Variants in PDE3B observed in about 807,000 individuals in gnomAD.
The protein encoded by PDE3B is phosphodiesterase 3B, also known as cGMP-inhibited 3',5'-cyclic phosphodiesterase 3B.
A neutral mutation model predicts 116.8 loss-of-function variants in PDE3B; 66 were observed. The observed-to-expected ratio is 0.56, with a 90% confidence interval of 0.46 to 0.69. The LOEUF (loss-of-function observed/expected upper bound fraction) is 0.69, where lower values mean the gene tolerates loss of function less well. PDE3B is among the 30% of genes least tolerant of loss of function. PDE3B has a pLI of 0.00. For synonymous variants in PDE3B, 595 were observed against 533.6 expected (o/e 1.12, Z -1.59); for missense variants, 1,384 against 1,368.1 (o/e 1.01, Z -0.18).
In PDE3B at chr11:14,830,856, A is replaced by G. The variant is rs759739669; in HGVS notation, c.1956+10A>G. The G allele has an allele frequency of 6.8e-6, 10 of 1,477,618 alleles. No homozygotes were observed. The allele number at this position is 1,477,618 out of a possible 1,614,324, so 91.5% of individuals were successfully genotyped here. ...TGAACAGCAAACAAATGTAAAAGAT[A>G]AACTTTCAATATGATTATGTTAAGG... On this transcript the variant is annotated intron_variant, in intron 8 of 15. Transcript: ENST00000282096.
chr11:14,805,196 G>A (rs2133935877), intron 5 of PDE3B, among the ~76,000 whole-genome samples: 1 of 152,276 alleles, frequency 6.6e-6, no homozygotes, highest in Non-Finnish European at 1.5e-5. Context: ...CTAGATGTAT[G>A]AATCAAGCCT....
In PDE3B at chr11:14,644,363, G is replaced by T. The variant is rs375792858; in HGVS notation, c.288G>T (p.Ala96=). ...AAFVLALLLG[A]EPESWAAGAA... ...TTGTCCTCGCCCTGCTGCTGGGCGC[G>T]GAACCCGAGAGCTGGGCTGCCGGGG... is the stretch of plus-strand genomic sequence containing the variant. The change falls in exon 1 of 16, where the codon GCG becomes GCT. Residue 96 remains alanine (A), a synonymous_variant. Coordinates refer to ENST00000282096, the MANE Select transcript of PDE3B (RefSeq NM_000922.4). 17 of 1,594,774 alleles carry T rather than the reference G, an allele frequency of 1.1e-5. No homozygotes were observed. In the African/African-American group the frequency reaches 2.0e-4, roughly 19 times the overall value.
At chr11:14,797,361 C>T (rs1201774067) in intron 4 of PDE3B, among the ~76,000 whole-genome samples, 2 of 152,120 alleles carry the variant, frequency 1.3e-5, no homozygotes, top group Admixed American at 1.3e-4. Flanking sequence ...AGTCAGGTAG[C>T]GTGATGCCTC....
At chr11:14,693,704 A>G (rs965371231) in intron 1 of PDE3B, among the ~76,000 whole-genome samples, 14 of 152,336 alleles carry the variant, frequency 9.2e-5, no homozygotes, top group African/African-American at 3.4e-4. Context: ...CAGTGCAGCT[A>G]GTCGTCGTCC....
chr11:14,670,237 C>T (rs1403376853), intron 1 of PDE3B, among the ~76,000 whole-genome samples: 1 of 152,142 alleles, frequency 6.6e-6, no homozygotes, highest in Non-Finnish European at 1.5e-5. Context: ...GGCAAGTTAT[C>T]TAATACCGGC....
intron 1 of PDE3B, among the ~76,000 whole-genome samples, chr11:14,671,261 T>G (rs999029204): frequency 6.6e-6 from 1 of 152,152 alleles, no homozygotes; most frequent in Non-Finnish European, 1.5e-5. Flanking sequence ...GTGAAGATGG[T>G]GCTTTAGGTA....
intron 5 of PDE3B, among the ~76,000 whole-genome samples, chr11:14,816,770 A>G (rs540112831): frequency 7.9e-4 from 121 of 152,374 alleles, no homozygotes; most frequent in African/African-American, 2.7e-3. Flanking sequence ...TTGCATTAAC[A>G]TATGATGTTA....
At chr11:14,677,661 G>A (rs1345523527) in intron 1 of PDE3B, among the ~76,000 whole-genome samples, 1 of 152,090 alleles carries the variant, frequency 6.6e-6, no homozygotes, top group Non-Finnish European at 1.5e-5. Flanking sequence ...ATTACTTCCA[G>A]AAGTTCCCTT....
chr11:14,810,613 T>G (rs1037392708), intron 5 of PDE3B, among the ~76,000 whole-genome samples: 1 of 151,274 alleles, frequency 6.6e-6, no homozygotes, highest in Non-Finnish European at 1.5e-5. Flanking sequence ...TTGTGAATAA[T>G]GCCGCAATAA....
intron 1 of PDE3B, among the ~76,000 whole-genome samples, chr11:14,734,246 T>G (rs1204960700): frequency 6.6e-6 from 1 of 152,114 alleles, no homozygotes; most frequent in Non-Finnish European, 1.5e-5. Context: ...TAATTTTTAA[T>G]TTTTTTGTAC....
chr11:14,891,906 G>T, the PDE3B span: 2 of 1,540,582 alleles, frequency 1.3e-6, no homozygotes, highest in Non-Finnish European at 1.8e-6. Context: ...GCGGCCATAA[G>T]TCCAACCAGG....
intron 1 of PDE3B, among the ~76,000 whole-genome samples, chr11:14,654,920 G>A (rs1273015922): frequency 6.7e-6 from 1 of 149,482 alleles, no homozygotes; most frequent in East Asian, 2.0e-4. Flanking sequence ...GAAAAAAGGA[G>A]ACCAAATAAT....
At chr11:14,885,705 C>A in the PDE3B span, 2 of 1,531,518 alleles carry the variant, frequency 1.3e-6, no homozygotes, top group Non-Finnish European at 1.8e-6. Flanking sequence ...ACTGTATGCA[C>A]TAAAACTTAA....
chr11:14,762,617 A>G (rs1857392722), intron 1 of PDE3B, among the ~76,000 whole-genome samples: 1 of 152,196 alleles, frequency 6.6e-6, no homozygotes, highest in Non-Finnish European at 1.5e-5. Flanking sequence ...CTTAAGCTTT[A>G]AGAGGGTTGC....
chr11:14,859,303 TA>T, intron 13 of PDE3B, 57 bp downstream of exon 13: 1 of 1,204,322 alleles, frequency 8.3e-7, no homozygotes, highest in South Asian at 1.4e-5. Context: ...GTGTTACTGA[TA>T]AAATATGTTT....
chr11:14,887,521 A>G, the PDE3B span: 2 of 865,136 alleles, frequency 2.3e-6, no homozygotes, highest in Non-Finnish European at 2.8e-6. Context: ...GAAGGGTACA[A>G]GATTAGCTTA....
At chr11:14,675,264 C>T (rs995483790) in intron 1 of PDE3B, among the ~76,000 whole-genome samples, 3 of 151,990 alleles carry the variant, frequency 2.0e-5, no homozygotes, top group Admixed American at 2.0e-4. Flanking sequence ...TAAATTATCA[C>T]CTATTTCTCT....
chr11:14,792,181 G>A (rs1160493587), intron 4 of PDE3B, among the ~76,000 whole-genome samples: 1 of 151,888 alleles, frequency 6.6e-6, no homozygotes, highest in Non-Finnish European at 1.5e-5. Context: ...GCCCTTACTT[G>A]GAAAAAGTAA....
At chr11:14,825,077 G>C (rs1220124400) in intron 7 of PDE3B, among the ~76,000 whole-genome samples, 1 of 152,078 alleles carries the variant, frequency 6.6e-6, no homozygotes, top group African/African-American at 2.4e-5. Flanking sequence ...ATAAGCAAAT[G>C]CTGAGGAAGT....
Sources: gnomAD v4.1 joint callset for allele counts (sites outside exome capture counted in the v4.1 genomes callset) on GRCh38, gnomAD v4.1.1 for gene constraint, MANE v1.5 for transcripts, NCBI Gene and HGNC (gene_info 2026-07-23, HGNC 2026-07-21) for gene names.